Variants in OPHN1 observed in about 807,000 individuals in gnomAD.
OPHN1 encodes oligophrenin-1.
A neutral mutation model predicts 60.7 loss-of-function variants in OPHN1; 11 were observed. That is an observed-to-expected ratio of 0.18 (90% CI 0.11 to 0.30). The LOEUF is 0.30. OPHN1 is among the 10% of genes least tolerant of loss of function. OPHN1 has a pLI of 1.00. For missense variants in OPHN1, 449 were observed against 611.0 expected (o/e 0.73, Z 2.80); for synonymous variants, 226 against 222.6 (o/e 1.02, Z -0.14).
chrX:68,245,950 C>T (rs1602267204), intron 5 of OPHN1, among the ~76,000 whole-genome samples: 1 of 111,480 alleles, frequency 9.0e-6, no homozygotes, highest in Admixed American at 9.6e-5. Flanking sequence ...ATTACAGGTG[C>T]AATGCCACCA....
At chrX:68,425,082 AT>A (rs1329404430) in intron 2 of OPHN1, among the ~76,000 whole-genome samples, 2 of 111,989 alleles carry the variant, frequency 1.8e-5, no homozygotes, top group Non-Finnish European at 3.8e-5. Context: ...AAGAATGCAT[AT>A]TATATCACCA....
chrX:68,342,037 T>A (rs2035430014), intron 2 of OPHN1, among the ~76,000 whole-genome samples: 1 of 98,629 alleles, frequency 1.0e-5, no homozygotes, highest in South Asian at 6.1e-4. Context: ...CGGCACAATC[T>A]CCACTCACTG....
Position 68,043,418 on chromosome X carries a change from T to C in OPHN1, c.*3754A>G, listed in dbSNP as rs2076822638. ...AAAAAAAAGGTATCTTGATTCTCTC[T>C]GAAATTTTTTATTATTTCTGATGTT... On this transcript the variant is annotated 3_prime_UTR_variant, in exon 25 of 25. Transcript: ENST00000355520. The C allele has an allele frequency of 9.0e-6, 1 of 110,859 alleles. No individual in the cohort carries two copies. The highest frequency in any genetic ancestry group is 1.9e-5 in the Non-Finnish European group (1 of 52,917). 9.1% of individuals were successfully genotyped at this position (110,859 alleles called of 1,213,427 possible).
rs766309778 is a variant in OPHN1 at position 68,078,513 on chromosome X, A to G, written c.1687-5214T>C. Among the ~76,000 whole-genome samples, 71 of 111,670 alleles carry G rather than the reference A, an allele frequency of 6.4e-4. 1 individual carries two copies. Among genetic ancestry groups the G allele is most frequent in the Non-Finnish European group, 1.2e-3 (62 of 53,160 alleles). ...CATCCATGCATCTGTCCATCCAACA[A>G]TCTCTTCCGATTGAACCCAAGTGAG... On this transcript the variant is annotated intron_variant, in intron 19 of 24. Coordinates refer to ENST00000355520, the MANE Select transcript of OPHN1 (RefSeq NM_002547.3).
intron 21 of OPHN1, 130 bp from the exon 22 acceptor site, chrX:68,053,940 C>T: frequency 1.7e-6 from 1 of 591,777 alleles, no homozygotes; most frequent in Non-Finnish European, 2.5e-6. Flanking sequence ...TGACTAACAA[C>T]TCTGGCTATT....
chrX:68,412,293 C>T (rs757903624), intron 2 of OPHN1, among the ~76,000 whole-genome samples: 24 of 112,031 alleles, frequency 2.1e-4, no homozygotes, highest in Admixed American at 3.8e-4. Flanking sequence ...ATGACAAAGA[C>T]GTATATTTTC....
chrX:68,337,789 T>A (rs965561869), intron 2 of OPHN1, among the ~76,000 whole-genome samples: 2 of 63,568 alleles, frequency 3.1e-5, no homozygotes, highest in African/African-American at 7.1e-5. Flanking sequence ...CAAAATACAC[T>A]CCAAACCAAA....
chrX:68,217,762 A>C (rs1438166324), intron 6 of OPHN1, among the ~76,000 whole-genome samples: 1 of 108,359 alleles, frequency 9.2e-6, no homozygotes, highest in Non-Finnish European at 1.9e-5. Context: ...GGACATCCAC[A>C]CCAAAAACCC....
At chrX:68,432,708 A>G (rs759500786) in intron 2 of OPHN1, among the ~76,000 whole-genome samples, 159 bp downstream of exon 2, 2 of 111,765 alleles carry the variant, frequency 1.8e-5, no homozygotes, top group Admixed American at 1.9e-4. Context: ...ACCACTTTCC[A>G]CTTCTACTAT....
intron 16 of OPHN1, among the ~76,000 whole-genome samples, chrX:68,116,103 G>C: frequency 8.9e-6 from 1 of 111,752 alleles, no homozygotes; most frequent in East Asian, 2.8e-4. Flanking sequence ...GGATTGTGGA[G>C]ACCAAGTTTT....
intron 2 of OPHN1, among the ~76,000 whole-genome samples, chrX:68,368,664 C>T (rs1457527335): frequency 8.9e-6 from 1 of 111,757 alleles, no homozygotes; most frequent in East Asian, 2.8e-4. Flanking sequence ...TTTATAAGTG[C>T]AATGCAAGTC....
At chrX:68,323,524 G>T (rs2078245464) in intron 2 of OPHN1, among the ~76,000 whole-genome samples, 1 of 111,619 alleles carries the variant, frequency 9.0e-6, no homozygotes, top group Non-Finnish European at 1.9e-5. Context: ...TTAATAAATT[G>T]TCTTGTTTAT....
At chrX:68,239,040 C>A (rs1312355620) in intron 5 of OPHN1, among the ~76,000 whole-genome samples, 1 of 111,335 alleles carries the variant, frequency 9.0e-6, no homozygotes, top group Admixed American at 9.6e-5. Flanking sequence ...CAAGGTTTTA[C>A]TGAATGATGG....
At chrX:68,371,093 G>T (rs1460245308) in intron 2 of OPHN1, among the ~76,000 whole-genome samples, 1 of 111,494 alleles carries the variant, frequency 9.0e-6, no homozygotes, top group Non-Finnish European at 1.9e-5. Context: ...GGATTAAAAA[G>T]CAGGATCTAA....
Position 68,377,553 on chromosome X carries a change from G to T in OPHN1, c.154+55314C>A, listed in dbSNP as rs1442932521. ...CCATTAACTCATCATTTAGCATTAG[G>T]TATATCTCCTAATGCTATCCCTCCT... is the stretch of plus-strand genomic sequence containing the variant. On this transcript the variant is annotated intron_variant, in intron 2 of 24. Coordinates refer to ENST00000355520, the MANE Select transcript of OPHN1 (RefSeq NM_002547.3). 2.2e-4 allele frequency among the ~76,000 whole-genome samples: 24 copies of T among 107,530 alleles called. No individual in the cohort carries two copies. In the East Asian group the frequency reaches 2.6e-3, roughly 12 times the overall value. 93.4% of individuals were successfully genotyped at this position (107,530 alleles called of 115,157 possible).
chrX:68,347,135 G>C (rs1201065096), intron 2 of OPHN1, among the ~76,000 whole-genome samples: 1 of 111,155 alleles, frequency 9.0e-6, no homozygotes. Context: ...TTGGAGGCCT[G>C]AGGCTCCTGC....
chrX:68,127,846 C>T (rs924486505), intron 15 of OPHN1, among the ~76,000 whole-genome samples: 7 of 111,581 alleles, frequency 6.3e-5, no homozygotes, highest in Non-Finnish European at 1.1e-4. Flanking sequence ...AAACCAGAAT[C>T]TCTGATTCAG....
At chrX:68,195,063 G>A (rs4097375) in intron 12 of OPHN1, among the ~76,000 whole-genome samples, 1,066 of 91,917 alleles carry the variant, frequency 0.012, no homozygotes, top group African/African-American at 0.018. Flanking sequence ...AGGAAGGAAG[G>A]AAGAAAGAAA....
intron 5 of OPHN1, among the ~76,000 whole-genome samples, chrX:68,258,396 CCCCT>C (rs1163395652): frequency 3.1e-4 from 14 of 45,895 alleles, no homozygotes; most frequent in African/African-American, 2.8e-3. Context: ...CTACCCCTCC[CCCCT>C]CCCCCCTCCT....
Sources: allele counts gnomAD v4.1 joint callset (sites outside exome capture counted in the v4.1 genomes callset), GRCh38; gene constraint gnomAD v4.1.1; transcripts MANE v1.5; gene names NCBI Gene and HGNC (gene_info 2026-07-23, HGNC 2026-07-21).